Variants in PDS5B observed in about 807,000 individuals in gnomAD.
PDS5B encodes sister chromatid cohesion protein PDS5 homolog B.
Under a neutral mutation model 184.1 loss-of-function variants are expected in PDS5B, and 51 were observed. The observed-to-expected ratio is 0.28, with a 90% CI of 0.22 to 0.35. PDS5B has a LOEUF of 0.35. Ranked by LOEUF, PDS5B falls within the 10% of genes least tolerant of loss-of-function variation. PDS5B has a pLI of 1.00. For missense variants in PDS5B, 1,180 were observed against 1,723.3 expected (o/e 0.68, Z 5.58); for synonymous variants, 566 against 569.2 (o/e 0.99, Z 0.08).
chr13:32,727,421 C>T (rs1341052779), intron 19 of PDS5B, among the ~76,000 whole-genome samples: 2 of 151,936 alleles, frequency 1.3e-5, no homozygotes, highest in African/African-American at 4.8e-5. Context: ...GATGTCTATC[C>T]ATATTTTCAT....
intron 1 of PDS5B, among the ~76,000 whole-genome samples, chr13:32,634,195 T>C (rs2058502604): frequency 6.6e-6 from 1 of 152,228 alleles, no homozygotes; most frequent in African/African-American, 2.4e-5. Flanking sequence ...CTCATTTCTC[T>C]TTAAATTTCT....
intron 19 of PDS5B, among the ~76,000 whole-genome samples, chr13:32,720,391 G>T (rs1935977555): frequency 6.6e-6 from 1 of 152,052 alleles, no homozygotes; most frequent in Non-Finnish European, 1.5e-5. Context: ...TTTTGGCTCT[G>T]CACTTTCAGG....
intron 10 of PDS5B, among the ~76,000 whole-genome samples, chr13:32,683,043 C>T (rs545243463): frequency 2.6e-5 from 4 of 151,822 alleles, no homozygotes; most frequent in Non-Finnish European, 4.4e-5. Flanking sequence ...GAGGCAGTCT[C>T]GCCCTGTCAC....
intron 1 of PDS5B, among the ~76,000 whole-genome samples, chr13:32,587,234 T>G (rs1400699385): frequency 6.6e-6 from 1 of 150,496 alleles, no homozygotes; most frequent in Non-Finnish European, 1.5e-5. Context: ...GGGCTGAGCG[T>G]GACATTTTTG....
chr13:32,705,212 C>T (rs576036265), intron 17 of PDS5B, among the ~76,000 whole-genome samples: 3 of 152,188 alleles, frequency 2.0e-5, no homozygotes, highest in East Asian at 3.9e-4. Context: ...TCACTGAGAG[C>T]TTCATACTCT....
At chr13:32,655,205 A>G (rs1566290157) in intron 3 of PDS5B, among the ~76,000 whole-genome samples, 1 of 142,934 alleles carries the variant, frequency 7.0e-6, no homozygotes, top group African/African-American at 2.6e-5. Flanking sequence ...TTTTTTTTTG[A>G]CTTTTTAACA....
chr13:32,702,564 T>C (rs915367034), intron 17 of PDS5B, among the ~76,000 whole-genome samples: 13 of 152,290 alleles, frequency 8.5e-5, no homozygotes, highest in Admixed American at 1.3e-4. Context: ...GTTCACAGTA[T>C]TGAAAGAGGA....
chr13:32,755,403 T>G (rs1593612851), intron 25 of PDS5B, among the ~76,000 whole-genome samples: 1 of 152,192 alleles, frequency 6.6e-6, no homozygotes, highest in African/African-American at 2.4e-5. Flanking sequence ...TGTTCCATAT[T>G]GACTCTGAAA....
At chr13:32,716,578 G>GC (rs576048813) in intron 19 of PDS5B, among the ~76,000 whole-genome samples, 7,009 of 150,436 alleles carry the variant, frequency 0.047, 225 homozygotes, top group South Asian at 0.091. Flanking sequence ...GTGGGGGTCA[G>GC]CCCCCGCCAG....
In PDS5B at chr13:32,770,484, G is replaced by A; in HGVS notation, c.3988G>A (p.Glu1330Lys). 1 of 1,611,944 alleles carries A rather than the reference G, an allele frequency of 6.2e-7. No individual in the cohort carries two copies. Among genetic ancestry groups the A allele is most frequent in the Non-Finnish European group, 8.5e-7 (1 of 1,179,584 alleles). ...TCCAGCACCAGAGGAGGAGGAAGAA[G>A]AAGAAAGACAAAGTGGAAATACGGA... ...GPPAPEEEEE[E>K]ERQSGNTEQK... The change falls in exon 32 of 35, where the codon GAA becomes AAA. Residue 1330 changes from glutamate (E) to lysine (K), a missense_variant. By Grantham distance (56) the Glu-to-Lys change is moderately conservative (BLOSUM62 1). Around this residue, in one of 11 missense-constraint regions of PDS5B, gnomAD observed 465 missense variants for 497.8 expected, o/e 0.93. Transcript: ENST00000315596.
At chr13:32,652,139 C>T in intron 3 of PDS5B, 132 bp downstream of exon 3, 1 of 553,756 alleles carries the variant, frequency 1.8e-6, no homozygotes, top group Non-Finnish European at 3.1e-6. Flanking sequence ...TTTTGCTAAA[C>T]TTAATGTTTT....
chr13:32,637,908 C>T (rs1247939770), intron 1 of PDS5B, among the ~76,000 whole-genome samples: 1 of 152,158 alleles, frequency 6.6e-6, no homozygotes, highest in East Asian at 1.9e-4. Flanking sequence ...CGAAGACTGA[C>T]TTACTGAAAA....
At chr13:32,753,775 G>A (rs1006412363) in intron 25 of PDS5B, among the ~76,000 whole-genome samples, 4 of 152,126 alleles carry the variant, frequency 2.6e-5, no homozygotes, top group Admixed American at 6.6e-5. Flanking sequence ...AATAAACAAT[G>A]ACATTGGAGG....
rs1954520809 is a variant in PDS5B, at chr13:32,764,518, A to C, written c.3548A>C (p.Glu1183Ala). The C allele has an allele frequency of 5.0e-6, 8 of 1,603,270 alleles. No individual in the cohort carries two copies. The highest frequency in any genetic ancestry group is 6.8e-6 in the Non-Finnish European group (8 of 1,174,390). The part of the protein sequence containing the change: ...RLDSSEMDHS[E>A]NEDYTMSSPL... Reference sequence around the variant, plus strand: ...GATAGTTCTGAAATGGATCACAGTGAAAATGAAGATTACACAATGTCTTCA... The same window carrying C: ...GATAGTTCTGAAATGGATCACAGTGCAAATGAAGATTACACAATGTCTTCA... Residue 1183 changes from glutamate to alanine, a missense_variant, in exon 31 of 35, where the codon GAA becomes GCA. Glu to Ala is a moderately radical substitution (Grantham distance 107, BLOSUM62 -1). Transcript: ENST00000315596.
chr13:32,759,739 G>A (rs952876920), intron 29 of PDS5B, 49 bp downstream of exon 29: 8 of 835,686 alleles, frequency 9.6e-6, no homozygotes, highest in African/African-American at 3.4e-5. Context: ...TTATTTTAGA[G>A]TGATTATTGG....
intron 1 of PDS5B, among the ~76,000 whole-genome samples, chr13:32,641,212 A>G (rs1950079381): frequency 6.6e-6 from 1 of 152,148 alleles, no homozygotes; most frequent in Admixed American, 6.5e-5. Flanking sequence ...GAGATTCCCC[A>G]AAGATGAAAG....
Position 32,628,104 on chromosome 13 carries a change from A to G in PDS5B, c.-19-20650A>G, listed in dbSNP as rs995304527. ...CCTTGAAGGATAGGCAATCCATAAT[A>G]CCTATAGATTATTAGTTTTCTTTCT... On this transcript the variant is annotated intron_variant, in intron 1 of 34. Coordinates refer to ENST00000315596, the MANE Select transcript of PDS5B (RefSeq NM_015032.4). 3.9e-5 allele frequency among the ~76,000 whole-genome samples: 6 copies of G among 152,198 alleles called. No individual in the cohort carries two copies. The East Asian group carries it at 1.2e-3, about 29-fold the overall frequency.
chr13:32,753,238 GTTTACTC>G, intron 24 of PDS5B, 87 bp from the exon 25 acceptor site: 1 of 934,888 alleles, frequency 1.1e-6, no homozygotes, highest in South Asian at 1.5e-5. Context: ...ACTTGCTACT[GTTTACTC>G]TTTACTTAAA....
intron 6 of PDS5B, among the ~76,000 whole-genome samples, chr13:32,667,200 A>G (rs187064343): frequency 2.6e-5 from 4 of 152,250 alleles, no homozygotes; most frequent in African/African-American, 4.8e-5. Context: ...TCTTAGAAAC[A>G]TAGCTTCTTA....
Sources: gnomAD v4.1 joint callset for allele counts (sites outside exome capture counted in the v4.1 genomes callset) on GRCh38, gnomAD v4.1.1 for gene constraint, gnomAD v4.1.1 regional missense constraint, MANE v1.5 for transcripts, NCBI Gene and HGNC (gene_info 2026-07-23, HGNC 2026-07-21) for gene names.